PTPRD: variants seen among roughly 807,000 people sequenced by gnomAD.
PTPRD encodes the protein protein tyrosine phosphatase receptor type D.
In PTPRD, 34 loss-of-function variants were observed where a neutral mutation model predicts 214.5. The ratio of observed to expected loss-of-function variants is 0.16; its 90% CI spans 0.12 to 0.21. PTPRD has a LOEUF of 0.21. PTPRD is among the 10% of genes least tolerant of loss of function. PTPRD has a pLI of 1.00. For missense variants in PTPRD, 2,545 were observed against 2,398.7 expected (o/e 1.06, Z -1.27); for synonymous variants, 1,128 against 845.7 (o/e 1.33, Z -5.79).
intron 4 of PTPRD, among the ~76,000 whole-genome samples, chr9:10,014,546 T>G (rs1038779272): frequency 6.6e-6 from 1 of 152,008 alleles, no homozygotes; most frequent in Non-Finnish European, 1.5e-5. Flanking sequence ...TGCATTTCCT[T>G]ACAAAATTAT....
At chr9:9,780,275 G>A (rs1244177592) in intron 5 of PTPRD, among the ~76,000 whole-genome samples, 1 of 151,966 alleles carries the variant, frequency 6.6e-6, no homozygotes, top group Non-Finnish European at 1.5e-5. Flanking sequence ...GTGAGGGAGG[G>A]GAGCATGATT....
chr9:8,683,385 C>CAA lies in PTPRD; in HGVS notation c.65-46543_65-46542dup, dbSNP rs78015875. ...CTCTTTCATGGAGACACTCCTTTCT[C>CAA]AAAAAAAAAAAAAAAAGTGTATACA... On this transcript the variant is annotated intron_variant, in intron 12 of 45. Coordinates refer to ENST00000381196, the MANE Select transcript of PTPRD (RefSeq NM_002839.4). Among the ~76,000 whole-genome samples the CAA allele has an allele frequency of 1.2e-3, 133 of 107,066 alleles. 1 individual carries two copies. The highest frequency in any genetic ancestry group is 3.5e-3 in the African/African-American group (113 of 32,310). The allele number at this position is 107,066 out of a possible 152,430, so 70.2% of individuals were successfully genotyped here. A position where few individuals can be genotyped will look rare whatever the true frequency, so the allele number is the denominator to read the frequency against.
chr9:9,819,158 G>A (rs967520514), intron 5 of PTPRD, among the ~76,000 whole-genome samples: 6 of 152,130 alleles, frequency 3.9e-5, no homozygotes, highest in East Asian at 1.9e-4. Flanking sequence ...AGATTGGTAA[G>A]GAACACTGAC....
At position 9,056,181 on chromosome 9, in the gene PTPRD, G is replaced by C. The variant is rs537137566; in HGVS notation, c.-142-37446C>G. 1.2e-4 allele frequency among the ~76,000 whole-genome samples: 19 copies of C among 152,292 alleles called. 2 individuals carry two copies. In the South Asian group the frequency reaches 3.5e-3, roughly 28 times the overall value. On this transcript the variant is annotated intron_variant, in intron 10 of 45. Coordinates refer to ENST00000381196, the MANE Select transcript of PTPRD (RefSeq NM_002839.4). ...CGAAGAAGACAAAATCATCTGTTGA[G>C]TCTACCACTGCATTGACTACAGGAG...
At chr9:9,611,496 C>G (rs1400389215) in intron 7 of PTPRD, among the ~76,000 whole-genome samples, 3 of 151,894 alleles carry the variant, frequency 2.0e-5, no homozygotes, top group Non-Finnish European at 4.4e-5. Flanking sequence ...ATTGGAAATA[C>G]TGTTATTCTA....
chr9:10,335,133 A>T (rs2096822938), intron 3 of PTPRD, among the ~76,000 whole-genome samples: 1 of 151,704 alleles, frequency 6.6e-6, no homozygotes, highest in African/African-American at 2.4e-5. Flanking sequence ...TAGCCAAGCC[A>T]ATATAGAAGG....
At chr9:10,572,568 G>T (rs967168431) in intron 2 of PTPRD, among the ~76,000 whole-genome samples, 1 of 152,112 alleles carries the variant, frequency 6.6e-6, no homozygotes, top group South Asian at 2.1e-4. Context: ...ATAGCATAAA[G>T]CTGTCAGCAT....
intron 7 of PTPRD, among the ~76,000 whole-genome samples, chr9:9,607,550 TTA>T (rs1196843945): frequency 6.6e-6 from 1 of 152,068 alleles, no homozygotes; most frequent in Non-Finnish European, 1.5e-5. Flanking sequence ...GATGCAAAGT[TTA>T]TATGTCTTCT....
chr9:9,536,260 C>T (rs16929666), intron 8 of PTPRD, among the ~76,000 whole-genome samples: 2 of 152,024 alleles, frequency 1.3e-5, no homozygotes, highest in Admixed American at 6.6e-5. Context: ...ATTCCCGGCC[C>T]GTACCTCAGT....
intron 2 of PTPRD, among the ~76,000 whole-genome samples, chr9:10,551,765 C>T (rs184213295): frequency 6.0e-4 from 92 of 152,276 alleles, no homozygotes; most frequent in Non-Finnish European, 1.1e-3. Context: ...CTATTGCTTC[C>T]AGACCATTCA....
intron 14 of PTPRD, among the ~76,000 whole-genome samples, chr9:8,593,276 C>A (rs192484963): frequency 1.3e-5 from 2 of 152,304 alleles, no homozygotes; most frequent in African/African-American, 2.4e-5. Context: ...GTAAAGTCAG[C>A]ACCTGATACA....
intron 3 of PTPRD, among the ~76,000 whole-genome samples, chr9:10,150,758 AGTACAAG>A (rs1465644926): frequency 6.6e-6 from 1 of 152,144 alleles, no homozygotes; most frequent in African/African-American, 2.4e-5. Flanking sequence ...AGTGGCATGG[AGTACAAG>A]GTTTTAATTA....
chr9:8,450,261 TA>T (rs986807825), intron 33 of PTPRD, among the ~76,000 whole-genome samples: 2 of 152,168 alleles, frequency 1.3e-5, no homozygotes, highest in Admixed American at 1.3e-4. Flanking sequence ...GCTGAACAGC[TA>T]AATCTGTCCC....
In PTPRD at chr9:8,322,092, C is replaced by T; in HGVS notation, c.5535-2126G>A. On this transcript the variant is annotated intron_variant, in intron 44 of 45. Transcript: ENST00000381196. Reference sequence around the variant, plus strand: ...TGAACCATGACCATAAGACAACAAACACTTAATTGACAAATGTGTGTGTTA... The same window carrying T: ...TGAACCATGACCATAAGACAACAAATACTTAATTGACAAATGTGTGTGTTA... Among the ~76,000 whole-genome samples, 3 of 152,228 alleles carry T rather than the reference C, an allele frequency of 2.0e-5. No homozygotes were observed. The South Asian group carries it at 6.2e-4, about 32-fold the overall frequency.
intron 35 of PTPRD, among the ~76,000 whole-genome samples, chr9:8,430,033 C>T (rs4742502): frequency 0.59 from 89,050 of 151,904 alleles, 26,507 homozygotes; most frequent in East Asian, 0.74. Context: ...AGTGAGCTGA[C>T]AGGAACTCAG....
chr9:9,594,877 A>G (rs1025984891), intron 7 of PTPRD, among the ~76,000 whole-genome samples: 6 of 152,108 alleles, frequency 3.9e-5, no homozygotes, highest in Admixed American at 6.6e-5. Flanking sequence ...AACTCAAACA[A>G]ATCAGCAAGA....
At position 10,035,914 on chromosome 9, in the gene PTPRD, C is replaced by T. The variant is rs569020225; in HGVS notation, c.-544-2124G>A. ...CTAACTTTGGCCCTTGTTCAGGAAG[C>T]GGAAATCTATATCTTCATTTGTTTG... On this transcript the variant is annotated intron_variant, in intron 3 of 45. Transcript: ENST00000381196. Among the ~76,000 whole-genome samples the T allele has an allele frequency of 9.3e-4, 141 of 151,080 alleles. 1 individual carries two copies. The highest frequency in any genetic ancestry group is 3.4e-3 in the African/African-American group (140 of 41,186).
In PTPRD at chr9:10,052,822, C is replaced by T. The variant is rs561449948; in HGVS notation, c.-544-19032G>A. The stretch of plus-strand genomic sequence containing the variant: ...CTACTCTACTCATTCTTTCTTTTTA[C>T]CTTTCCCTCTCTATTTCCCATCTCA... On this transcript the variant is annotated intron_variant, in intron 3 of 45. Transcript: ENST00000381196. Among the ~76,000 whole-genome samples the T allele has an allele frequency of 5.0e-4, 76 of 152,208 alleles. 2 individuals are homozygous for T. The South Asian group carries it at 0.015, about 30-fold the overall frequency.
chr9:8,945,979 A>G (rs2099061495), intron 11 of PTPRD, among the ~76,000 whole-genome samples: 1 of 152,156 alleles, frequency 6.6e-6, no homozygotes, highest in Admixed American at 6.6e-5. Flanking sequence ...GGGTTTCTCA[A>G]ACTTGTTCCC....
Sources: gnomAD v4.1 joint callset for allele counts (sites outside exome capture counted in the v4.1 genomes callset) on GRCh38, gnomAD v4.1.1 for gene constraint, MANE v1.5 for transcripts, NCBI Gene and HGNC (gene_info 2026-07-23, HGNC 2026-07-21) for gene names.